Variants in RBFOX1 observed in about 807,000 individuals in gnomAD.
The protein encoded by RBFOX1 is RNA binding protein fox-1 homolog 1.
A neutral mutation model predicts 57.7 loss-of-function variants in RBFOX1; 8 were observed. The observed-to-expected ratio is 0.14, with a 90% CI of 0.08 to 0.25. RBFOX1 has a LOEUF of 0.25. Among genes scored for constraint, RBFOX1 ranks in the 10% least tolerant of loss-of-function variants. The pLI is 1.00. For missense variants in RBFOX1, 611 were observed against 548.5 expected, an observed-to-expected ratio of 1.11 and a Z score of -1.14; for synonymous variants, 326 against 222.4, an observed-to-expected ratio of 1.47 and a Z score of -4.15.
chr16:6,831,755 A>T (rs547058118), intron 3 of RBFOX1, among the ~76,000 whole-genome samples: 25 of 152,148 alleles, frequency 1.6e-4, no homozygotes, highest in Non-Finnish European at 3.2e-4. Flanking sequence ...TTGGGCAATT[A>T]TTTATTCCAT....
intron 3 of RBFOX1, among the ~76,000 whole-genome samples, chr16:5,808,624 A>G (rs1379570219): frequency 6.6e-6 from 1 of 152,098 alleles, no homozygotes; most frequent in African/African-American, 2.4e-5. Context: ...CTCCTTGAAG[A>G]GGTCCTTTAC....
chr16:5,988,689 G>T (rs1393455911), intron 4 of RBFOX1, among the ~76,000 whole-genome samples: 1 of 152,174 alleles, frequency 6.6e-6, no homozygotes. Context: ...GAAAGGCCAG[G>T]GGTTGCATCC....
chr16:5,253,549 C>G (rs1018942972), intron 1 of RBFOX1, among the ~76,000 whole-genome samples: 2 of 152,204 alleles, frequency 1.3e-5, no homozygotes, highest in African/African-American at 4.8e-5. Flanking sequence ...GTCCAGCTGG[C>G]TTGGAGGTTG....
At chr16:6,420,495 G>T (rs2093742261) in intron 2 of RBFOX1, among the ~76,000 whole-genome samples, 1 of 152,160 alleles carries the variant, frequency 6.6e-6, no homozygotes, top group African/African-American at 2.4e-5. Context: ...CTTTTGAAGA[G>T]ATGTTAAGCC....
At chr16:5,433,113 C>T (rs1037060082) in intron 1 of RBFOX1, among the ~76,000 whole-genome samples, 2 of 152,190 alleles carry the variant, frequency 1.3e-5, no homozygotes, top group African/African-American at 4.8e-5. Context: ...TGAGCTTCCA[C>T]TGTGCAGAGT....
intron 2 of RBFOX1, among the ~76,000 whole-genome samples, chr16:6,368,977 A>C (rs1467146124): frequency 1.3e-5 from 2 of 152,224 alleles, no homozygotes; most frequent in Non-Finnish European, 2.9e-5. Context: ...GAACAATAGG[A>C]TGTGTTATCC....
At chr16:7,387,765 G>A (rs2097909563) in intron 4 of RBFOX1, among the ~76,000 whole-genome samples, 1 of 152,162 alleles carries the variant, frequency 6.6e-6, no homozygotes, top group Non-Finnish European at 1.5e-5. Context: ...CCCATGAACA[G>A]CAAAGCCCCT....
rs1196239076 is a variant in RBFOX1 at position 7,335,606 on chromosome 16, A to AG, written c.28-182541_28-182540insG. ...AAAGAAAAAAAAAAAAAAAAAAAAAAAAACCAAGTGATTTACCAGTCATTT... is the reference window on the plus strand; with the variant it reads ...AAAGAAAAAAAAAAAAAAAAAAAAAAGAAACCAAGTGATTTACCAGTCATTT... On this transcript the variant is annotated intron_variant, in intron 4 of 15. Coordinates refer to ENST00000550418, the MANE Select transcript of RBFOX1 (RefSeq NM_018723.4). Among the ~76,000 whole-genome samples the AG allele has an allele frequency of 8.7e-3, 564 of 64,854 alleles. 4 individuals carry two copies. The highest frequency in any genetic ancestry group is 0.079 in the African/African-American group (517 of 6,580). The allele number at this position is 64,854 out of a possible 152,430, so 42.5% of individuals were successfully genotyped here.
At chr16:7,263,781 A>G (rs2095020973) in intron 4 of RBFOX1, among the ~76,000 whole-genome samples, 1 of 152,086 alleles carries the variant, frequency 6.6e-6, no homozygotes, top group African/African-American at 2.4e-5. Context: ...CTGTAATCCC[A>G]GCTGCTCAAG....
intron 3 of RBFOX1, among the ~76,000 whole-genome samples, chr16:6,738,638 G>A (rs1346237335): frequency 6.6e-6 from 1 of 152,130 alleles, no homozygotes; most frequent in Non-Finnish European, 1.5e-5. Context: ...CCAACAAGAT[G>A]TCATTGACAA....
At chr16:7,307,310 G>C (rs922021331) in intron 4 of RBFOX1, among the ~76,000 whole-genome samples, 1 of 152,108 alleles carries the variant, frequency 6.6e-6, no homozygotes, top group African/African-American at 2.4e-5. Flanking sequence ...CTTTGTCTCA[G>C]CATGAACATC....
chr16:6,071,697 C>A (rs1442030782), intron 1 of RBFOX1, among the ~76,000 whole-genome samples: 1 of 152,154 alleles, frequency 6.6e-6, no homozygotes, highest in Non-Finnish European at 1.5e-5. Flanking sequence ...AGAACTAATT[C>A]ATTTCACACA....
At chr16:5,390,645 GGC>G (rs1326631532) in intron 1 of RBFOX1, among the ~76,000 whole-genome samples, 10 of 152,038 alleles carry the variant, frequency 6.6e-5, no homozygotes, top group Non-Finnish European at 1.3e-4. Context: ...GTTTTAGCCA[GGC>G]GAATCTCCCT....
intron 1 of RBFOX1, among the ~76,000 whole-genome samples, chr16:5,414,968 A>G (rs113723112): frequency 3.9e-4 from 60 of 152,266 alleles, no homozygotes; most frequent in African/African-American, 1.3e-3. Context: ...GTGCTTTTTC[A>G]TAACTTATAG....
intron 4 of RBFOX1, among the ~76,000 whole-genome samples, chr16:7,220,981 G>C (rs2092684260): frequency 6.6e-6 from 1 of 152,164 alleles, no homozygotes; most frequent in Non-Finnish European, 1.5e-5. Flanking sequence ...GTCCAGGTAA[G>C]ACAAGTCATC....
At chr16:5,275,324 T>C (rs1450329053) in intron 1 of RBFOX1, among the ~76,000 whole-genome samples, 3 of 152,310 alleles carry the variant, frequency 2.0e-5, no homozygotes, top group Admixed American at 6.5e-5. Flanking sequence ...CTTATTGCTA[T>C]TTAAAAATAT....
chr16:5,773,903 A>G (rs1312666176), intron 3 of RBFOX1, among the ~76,000 whole-genome samples: 1 of 151,946 alleles, frequency 6.6e-6, no homozygotes, highest in Admixed American at 6.6e-5. Flanking sequence ...TCACCATGTT[A>G]GGTTGGTCTC....
At chr16:5,333,367 G>T (rs1238552279) in intron 1 of RBFOX1, among the ~76,000 whole-genome samples, 1 of 152,162 alleles carries the variant, frequency 6.6e-6, no homozygotes, top group African/African-American at 2.4e-5. Flanking sequence ...TTCTCTTTTG[G>T]GAGACAATGG....
chr16:7,130,891 A>G (rs916083520), intron 4 of RBFOX1, among the ~76,000 whole-genome samples: 1 of 152,144 alleles, frequency 6.6e-6, no homozygotes, highest in East Asian at 1.9e-4. Flanking sequence ...TGATGAGGCG[A>G]CAGTGACACA....
Sources: gnomAD v4.1 joint callset for allele counts (sites outside exome capture counted in the v4.1 genomes callset) on GRCh38, gnomAD v4.1.1 for gene constraint, MANE v1.5 for transcripts, NCBI Gene and HGNC (gene_info 2026-07-23, HGNC 2026-07-21) for gene names.